LPP: variants seen among roughly 807,000 people sequenced by gnomAD.
LPP encodes LIM domain containing preferred translocation partner in lipoma, also known as lipoma-preferred partner.
In LPP, 38 loss-of-function variants were observed where a neutral mutation model predicts 60.4. That is an observed-to-expected ratio of 0.63 (90% confidence interval 0.49 to 0.83). The LOEUF is 0.83. Ranked by LOEUF, LPP falls within the 40% of genes least tolerant of loss-of-function variation. LPP has a pLI of 0.00. For synonymous variants in LPP, 328 were observed against 290.8 expected (o/e 1.13, Z -1.30); for missense variants, 902 against 783.6 (o/e 1.15, Z -1.80).
intron 1 of LPP, among the ~76,000 whole-genome samples, chr3:188,196,101 C>T (rs1361936015): frequency 1.3e-5 from 2 of 152,168 alleles, no homozygotes; most frequent in African/African-American, 4.8e-5. Context: ...GTTGACCACT[C>T]CCAGTGTCTC....
Position 188,360,769 on chromosome 3 carries a change from A to C in LPP, c.-10+19050A>C, listed in dbSNP as rs145188751. On this transcript the variant is annotated intron_variant, in intron 3 of 11. Transcript: ENST00000617246. ...AGACAGTTTTGCATAAATGAACAAA[A>C]ATCTAGATGAAAAGTTCTCGAATCC... Among the ~76,000 whole-genome samples the C allele has an allele frequency of 2.1e-4, 32 of 152,298 alleles. No individual in the cohort carries two copies. In the East Asian group the frequency reaches 6.2e-3, roughly 29 times the overall value.
At position 188,485,796 on chromosome 3, in the gene LPP, C is replaced by CAAAAAAAAAAAAAAAAAAA. The variant is rs766522013; in HGVS notation, c.306+1110_306+1111insAAAAAAAAAAAAAAAAAAA. ...TGGGCGACAGAGCGAGACTCCGTCT[C>CAAAAAAAAAAAAAAAAAAA]AAAAAAAAAAAAAAAAAATGGAATG... On this transcript the variant is annotated intron_variant, in intron 5 of 11. Coordinates refer to ENST00000617246, the MANE Select transcript of LPP (RefSeq NM_001375462.1). 6.8e-3 allele frequency among the ~76,000 whole-genome samples: 273 copies of CAAAAAAAAAAAAAAAAAAA among 40,094 alleles called. 30 individuals are homozygous for CAAAAAAAAAAAAAAAAAAA. Among genetic ancestry groups the CAAAAAAAAAAAAAAAAAAA allele is most frequent in the East Asian group, 0.019 (22 of 1,184 alleles). The allele number at this position is 40,094 out of a possible 152,430, so 26.3% of individuals were successfully genotyped here. A position where few individuals can be genotyped will look rare whatever the true frequency, so the allele number is the denominator to read the frequency against.
At chr3:188,393,744 A>G (rs990157869) in intron 3 of LPP, among the ~76,000 whole-genome samples, 1 of 152,200 alleles carries the variant, frequency 6.6e-6, no homozygotes, top group African/African-American at 2.4e-5. Context: ...CTTCTCTTTT[A>G]TATAACAATC....
At chr3:188,183,593 T>C (rs552904812) in intron 1 of LPP, among the ~76,000 whole-genome samples, 1 of 152,324 alleles carries the variant, frequency 6.6e-6, no homozygotes, top group South Asian at 2.1e-4. Context: ...AGACTTCATG[T>C]AGTGGCCAAG....
intron 7 of LPP, among the ~76,000 whole-genome samples, chr3:188,657,561 G>C (rs562715578): frequency 6.6e-6 from 1 of 151,952 alleles, no homozygotes; most frequent in South Asian, 2.1e-4. Context: ...TCTTTGAACA[G>C]CTTCCCATGG....
intron 7 of LPP, among the ~76,000 whole-genome samples, chr3:188,642,375 T>G (rs1850321039): frequency 2.0e-5 from 3 of 152,338 alleles, no homozygotes; most frequent in Non-Finnish European, 1.5e-5. Flanking sequence ...AGCTAAATAT[T>G]CTTCTAAAAA....
intron 8 of LPP, among the ~76,000 whole-genome samples, chr3:188,727,118 A>G (rs944163643): frequency 6.6e-6 from 1 of 152,180 alleles, no homozygotes; most frequent in East Asian, 1.9e-4. Context: ...AGAAAAGCCC[A>G]AAGTAGCTTG....
At chr3:188,713,403 C>T (rs1046001321) in intron 8 of LPP, among the ~76,000 whole-genome samples, 2 of 148,768 alleles carry the variant, frequency 1.3e-5, no homozygotes, top group African/African-American at 4.9e-5. Context: ...AAAAAAAAAG[C>T]TGTAAAGGAT....
intron 2 of LPP, among the ~76,000 whole-genome samples, chr3:188,236,835 G>A (rs1722090661): frequency 6.6e-6 from 1 of 152,230 alleles, no homozygotes; most frequent in African/African-American, 2.4e-5. Context: ...ACTGATCAGA[G>A]TGGTGGTTGG....
intron 8 of LPP, chr3:188,710,980 A>C (rs1866514435): frequency 6.6e-6 from 1 of 152,216 alleles, no homozygotes; most frequent in Non-Finnish European, 1.5e-5. Flanking sequence ...CTGTTGTTTT[A>C]AGAAATGGAT....
chr3:188,599,658 AGGCTGTG>A, intron 6 of LPP, among the ~76,000 whole-genome samples: 2 of 152,068 alleles, frequency 1.3e-5, no homozygotes, highest in Non-Finnish European at 2.9e-5. Context: ...GCAGAGCACA[AGGCTGTG>A]AAATGAATAA....
chr3:188,202,128 G>T (rs939173671), intron 1 of LPP, among the ~76,000 whole-genome samples: 1 of 151,886 alleles, frequency 6.6e-6, no homozygotes, highest in Non-Finnish European at 1.5e-5. Flanking sequence ...AGCCATTTCA[G>T]ATATTGGAGC....
intron 4 of LPP, among the ~76,000 whole-genome samples, chr3:188,422,729 C>G (rs1253114626): frequency 6.6e-6 from 1 of 152,164 alleles, no homozygotes; most frequent in African/African-American, 2.4e-5. Flanking sequence ...AATGTGCTCC[C>G]TTTTCTCTGT....
At chr3:188,571,606 A>AT in intron 6 of LPP, among the ~76,000 whole-genome samples, 1 of 152,220 alleles carries the variant, frequency 6.6e-6, no homozygotes, top group African/African-American at 2.4e-5. Context: ...TGCCCCCACC[A>AT]TCAAAAAGTA....
intron 10 of LPP, among the ~76,000 whole-genome samples, chr3:188,871,659 A>G (rs962974403): frequency 1.3e-5 from 2 of 152,146 alleles, no homozygotes; most frequent in African/African-American, 2.4e-5. Flanking sequence ...ACTGAGTCAC[A>G]GTCTGTTTTT....
chr3:188,754,034 A>T (rs1323394801), intron 8 of LPP, among the ~76,000 whole-genome samples: 1 of 152,244 alleles, frequency 6.6e-6, no homozygotes, highest in Non-Finnish European at 1.5e-5. Flanking sequence ...ATGTAAAGAC[A>T]GAGTCCCAAG....
At chr3:188,165,063 G>A (rs1410135785) in intron 1 of LPP, among the ~76,000 whole-genome samples, 1 of 151,872 alleles carries the variant, frequency 6.6e-6, no homozygotes, top group Non-Finnish European at 1.5e-5. Context: ...CTTGAGGCCC[G>A]GAGTTCAAGA....
rs1480075638 is a variant in LPP at position 188,738,801 on chromosome 3, C to A, written c.1241-21312C>A. On this transcript the variant is annotated intron_variant, in intron 8 of 11. Coordinates refer to ENST00000617246, the MANE Select transcript of LPP (RefSeq NM_001375462.1). ...ATTTGACATCAGCAAGATGTAATTT[C>A]TATAAACCAATTAATGATGCACCTT... 2.0e-5 allele frequency among the ~76,000 whole-genome samples: 3 copies of A among 152,060 alleles called. No individual in the cohort carries two copies. The East Asian group carries it at 5.8e-4, about 29-fold the overall frequency.
intron 4 of LPP, among the ~76,000 whole-genome samples, chr3:188,424,508 T>C (rs2149076270): frequency 6.6e-6 from 1 of 152,312 alleles, no homozygotes; most frequent in South Asian, 2.1e-4. Flanking sequence ...AATGCTAGCT[T>C]GATGGGGATA....
Sources: allele counts gnomAD v4.1 joint callset (sites outside exome capture counted in the v4.1 genomes callset), GRCh38; gene constraint gnomAD v4.1.1; transcripts MANE v1.5; gene names NCBI Gene and HGNC (gene_info 2026-07-23, HGNC 2026-07-21).